The following PCDH7 variants were observed in gnomAD, a reference collection of about 807,000 sequenced individuals.
The protein encoded by PCDH7 is protocadherin-7.
A neutral mutation model predicts 58.9 loss-of-function variants in PCDH7; 17 were observed. The ratio of observed to expected loss-of-function variants is 0.29; its 90% CI spans 0.20 to 0.43. The LOEUF (loss-of-function observed/expected upper bound fraction) is 0.43. Among genes scored for constraint, PCDH7 ranks in the 20% least tolerant of loss-of-function variants. PCDH7 has a pLI of 1.00. For missense variants in PCDH7, 1,274 were observed against 1,441.0 expected (o/e 0.88, Z 1.88); for synonymous variants, 664 against 616.4 (o/e 1.08, Z -1.14).
intron 3 of PCDH7, among the ~76,000 whole-genome samples, chr4:31,051,666 CAT>C (rs1017654835): frequency 6.6e-6 from 1 of 152,054 alleles, no homozygotes; most frequent in African/African-American, 2.4e-5. Flanking sequence ...CAGTAAATCA[CAT>C]GTTTATAATG....
At chr4:30,988,698 A>G (rs538956890) in intron 3 of PCDH7, among the ~76,000 whole-genome samples, 2 of 152,300 alleles carry the variant, frequency 1.3e-5, no homozygotes, top group African/African-American at 4.8e-5. Context: ...TGTTGTAGCA[A>G]TACAAATTGA....
intron 1 of PCDH7, among the ~76,000 whole-genome samples, chr4:30,779,498 G>A (rs1488085870): frequency 6.6e-6 from 1 of 152,104 alleles, no homozygotes; most frequent in African/African-American, 2.4e-5. Flanking sequence ...GAAAGCATAG[G>A]TTTTTGAAGC....
At chr4:30,890,454 G>T (rs752123951) in intron 1 of PCDH7, among the ~76,000 whole-genome samples, 10 of 151,610 alleles carry the variant, frequency 6.6e-5, no homozygotes, top group South Asian at 2.1e-4. Context: ...CTAAAAGATG[G>T]AATTGCACTA....
At chr4:31,109,395 C>T (rs1177731074) in intron 3 of PCDH7, among the ~76,000 whole-genome samples, 2 of 152,000 alleles carry the variant, frequency 1.3e-5, no homozygotes, top group Non-Finnish European at 2.9e-5. Flanking sequence ...AACCTTTTCC[C>T]ATGTAAAACA....
intron 1 of PCDH7, among the ~76,000 whole-genome samples, chr4:30,727,825 C>A (rs1714842998): frequency 6.6e-6 from 1 of 151,692 alleles, no homozygotes. Flanking sequence ...ATAATGTAAT[C>A]CCCCCAAAGA....
chr4:30,929,404 GA>G (rs1744280555), intron 2 of PCDH7, among the ~76,000 whole-genome samples: 1 of 152,028 alleles, frequency 6.6e-6, no homozygotes, highest in African/African-American at 2.4e-5. Context: ...TACGCAGGTA[GA>G]TTTTTTGGCA....
chr4:30,984,210 G>T (rs546511499), intron 3 of PCDH7, among the ~76,000 whole-genome samples: 256 of 152,268 alleles, frequency 1.7e-3, no homozygotes, highest in African/African-American at 5.8e-3. Context: ...ATATGCAAGG[G>T]TTAGTTTTTA....
At chr4:31,070,428 A>G (rs1758450858) in intron 3 of PCDH7, among the ~76,000 whole-genome samples, 1 of 152,190 alleles carries the variant, frequency 6.6e-6, no homozygotes, top group East Asian at 1.9e-4. Flanking sequence ...TTTTTGTTTA[A>G]TAGAATTCCC....
chr4:31,011,725 C>T (rs569512509), intron 3 of PCDH7, among the ~76,000 whole-genome samples: 3 of 152,058 alleles, frequency 2.0e-5, no homozygotes, highest in Middle Eastern at 3.4e-3. Flanking sequence ...TATCTAATCA[C>T]TACCATAGTT....
At chr4:30,982,930 T>A (rs1205441440) in intron 3 of PCDH7, among the ~76,000 whole-genome samples, 1 of 152,198 alleles carries the variant, frequency 6.6e-6, no homozygotes, top group Admixed American at 6.5e-5. Context: ...AGAAAAATAT[T>A]TCATTGTTTT....
intron 1 of PCDH7, among the ~76,000 whole-genome samples, chr4:30,874,718 TG>T (rs200550919): frequency 0.083 from 10,463 of 126,600 alleles, 482 homozygotes; most frequent in East Asian, 0.14. Flanking sequence ...ATAGTGAAAT[TG>T]AAAAAAAAAA....
At chr4:31,075,846 T>C (rs1287528988) in intron 3 of PCDH7, among the ~76,000 whole-genome samples, 2 of 152,318 alleles carry the variant, frequency 1.3e-5, no homozygotes, top group African/African-American at 2.4e-5. Context: ...GGTCACTTTT[T>C]CTATGGAAAA....
chr4:30,906,789 G>A (rs893004721), intron 1 of PCDH7, among the ~76,000 whole-genome samples: 12 of 152,086 alleles, frequency 7.9e-5, no homozygotes, highest in Admixed American at 2.6e-4. Flanking sequence ...TAGGGAGGCC[G>A]AGGCAGGAGG....
chr4:30,882,594 G>A (rs1030623276), intron 1 of PCDH7, among the ~76,000 whole-genome samples: 1 of 152,074 alleles, frequency 6.6e-6, no homozygotes, highest in African/African-American at 2.4e-5. Flanking sequence ...TAAATACAAG[G>A]TTATTTTCTT....
At chr4:30,784,608 A>G (rs779888818) in intron 1 of PCDH7, among the ~76,000 whole-genome samples, 5 of 152,092 alleles carry the variant, frequency 3.3e-5, no homozygotes, top group Non-Finnish European at 5.9e-5. Context: ...GACACCTATA[A>G]TTTCCTATTT....
In PCDH7 at chr4:31,012,131, C is replaced by A. The variant is rs191901237; in HGVS notation, c.*7+61916C>A. On this transcript the variant is annotated intron_variant, in intron 3 of 3. Coordinates refer to the PCDH7 transcript ENST00000509759. ...TGACAATAAGTGGATTTAAAGCTGG[C>A]AAACATAGTTTCTTGCAAGAAAAAA... Among the ~76,000 whole-genome samples, 227 of 152,040 alleles carry A rather than the reference C, an allele frequency of 1.5e-3. 2 individuals are homozygous for A. The highest frequency in any genetic ancestry group is 5.3e-3 in the African/African-American group (218 of 41,482).
At chr4:30,736,015 A>G (rs1003713583), downstream of PCDH7, among the ~76,000 whole-genome samples, 2 of 152,200 alleles carry the variant, frequency 1.3e-5, no homozygotes, top group Non-Finnish European at 2.9e-5. Flanking sequence ...AGTACAAAGA[A>G]GAAAAAGGGG....
chr4:30,920,019 G>A (rs1241652292), intron 1 of PCDH7, 134 bp from the exon 2 acceptor site: 3 of 524,654 alleles, frequency 5.7e-6, no homozygotes, highest in African/African-American at 2.0e-5. Flanking sequence ...AACTAATGCA[G>A]TTTCAACATA....
chr4:30,872,610 T>C (rs1311799501), intron 1 of PCDH7, among the ~76,000 whole-genome samples: 3 of 152,024 alleles, frequency 2.0e-5, no homozygotes, highest in African/African-American at 4.8e-5. Flanking sequence ...TGATCTCGAA[T>C]GGCTTAACCT....
Sources: allele counts gnomAD v4.1 joint callset (sites outside exome capture counted in the v4.1 genomes callset), GRCh38; gene constraint gnomAD v4.1.1; transcripts MANE v1.5; gene names NCBI Gene and HGNC (gene_info 2026-07-23, HGNC 2026-07-21).